SCD: variants seen among roughly 807,000 people sequenced by gnomAD.
The protein encoded by SCD is stearoyl-CoA desaturase, also known as acyl-CoA desaturase.
Under a neutral mutation model 35.7 loss-of-function variants are expected in SCD, and 4 were observed. That is an observed-to-expected ratio of 0.11 (90% CI 0.06 to 0.26). The LOEUF (loss-of-function observed/expected upper bound fraction) is 0.26. SCD is among the 10% of genes least tolerant of loss of function. SCD has a pLI of 1.00. For missense variants in SCD, 282 were observed against 460.7 expected (o/e 0.61, Z 3.55); for synonymous variants, 150 against 170.2 (o/e 0.88, Z 0.92).
Position 100,347,379 on chromosome 10 carries a change from T to C in SCD, c.-126T>C. On this transcript the variant is annotated 5_prime_UTR_variant, in exon 1 of 6. Coordinates refer to ENST00000370355, the MANE Select transcript of SCD (RefSeq NM_005063.5). ...ACCGCGGCTAGCGCCGACAACCAGCTAGCGTGCAAGGCGCCGCGGCTCAGC... is the reference window on the plus strand; with the variant it reads ...ACCGCGGCTAGCGCCGACAACCAGCCAGCGTGCAAGGCGCCGCGGCTCAGC... 1.9e-6 allele frequency: 2 copies of C among 1,065,206 alleles called. No individual in the cohort carries two copies. Among genetic ancestry groups the C allele is most frequent in the Non-Finnish European group, 2.8e-6 (2 of 702,356 alleles). 66.0% of individuals were successfully genotyped at this position (1,065,206 alleles called of 1,614,324 possible). A position where few individuals can be genotyped will look rare whatever the true frequency, so the allele number is the denominator to read the frequency against.
At chr10:100,358,547 C>A (rs1184598336) in intron 5 of SCD, among the ~76,000 whole-genome samples, 31 of 139,970 alleles carry the variant, frequency 2.2e-4, no homozygotes, top group Non-Finnish European at 4.1e-4. Context: ...AGCCGAGATT[C>A]CGCCACTGCA....
At chr10:100,354,138 C>G (rs1223718929) in intron 3 of SCD, among the ~76,000 whole-genome samples, 1 of 152,238 alleles carries the variant, frequency 6.6e-6, no homozygotes, top group Admixed American at 6.5e-5. Context: ...CTTCTTGAAA[C>G]TCTCTGAGCT....
chr10:100,359,255 TCTC>T (rs756615108), intron 5 of SCD, among the ~76,000 whole-genome samples: 56 of 152,220 alleles, frequency 3.7e-4, no homozygotes, highest in Non-Finnish European at 6.3e-4. Flanking sequence ...CACCCTTTGT[TCTC>T]CTCCAGCTCT....
At chr10:100,354,187 T>C (rs1849902061) in intron 3 of SCD, among the ~76,000 whole-genome samples, 1 of 152,258 alleles carries the variant, frequency 6.6e-6, no homozygotes, top group Non-Finnish European at 1.5e-5. Context: ...CATATAACTT[T>C]CAAGAAACAG....
Position 100,347,468 on chromosome 10 carries a change from G to GC in SCD, c.-32dup, listed in dbSNP as rs1849809119. On this transcript the variant is annotated 5_prime_UTR_variant, in exon 1 of 6. Transcript: ENST00000370355. The stretch of plus-strand genomic sequence containing the variant: ...CCCCGAACTCCGCTCCGGAGCCTCA[G>GC]CCCCCTGGAAAGTGATCCCGGCATC... 2.5e-6 allele frequency: 4 copies of GC among 1,612,432 alleles called. No homozygotes were observed. The South Asian group carries it at 4.4e-5, about 18-fold the overall frequency.
Position 100,347,537 on chromosome 10 carries a change from T to A in SCD, c.27+6T>A. ...CCCACTTGCTGCAGGACGATGTGAG[T>A]TTCCCAGCCTGGCCCCGTACCGCCG... is the stretch of plus-strand genomic sequence containing the variant. On this transcript the variant is annotated splice_donor_region_variant and intron_variant, in intron 1 of 5. Coordinates refer to ENST00000370355, the MANE Select transcript of SCD (RefSeq NM_005063.5). 6.2e-7 allele frequency: 1 copy of A among 1,613,862 alleles called. No homozygotes were observed. The highest frequency in any genetic ancestry group is 8.5e-7 in the Non-Finnish European group (1 of 1,179,948).
rs1006901835 is a variant in SCD, at chr10:100,363,591, T to C, written c.*2658T>C. On this transcript the variant is annotated 3_prime_UTR_variant, in exon 6 of 6. Transcript: ENST00000370355. ...TGCCTGCTTGATAATATATAAACAA[T>C]AAAAACAACTTTCACTTCTTCCTAT... The C allele has an allele frequency of 6.6e-6, 1 of 152,164 alleles. No homozygotes were observed. The highest frequency in any genetic ancestry group is 1.5e-5 in the Non-Finnish European group (1 of 68,042). 9.4% of individuals were successfully genotyped at this position (152,164 alleles called of 1,614,324 possible). A position where few individuals can be genotyped will look rare whatever the true frequency, so the allele number is the denominator to read the frequency against.
rs1246373534 is a variant in SCD, at chr10:100,363,842, G to A, written c.*2909G>A. The A allele has an allele frequency of 6.6e-6, 1 of 152,580 alleles. No homozygotes were observed. Among genetic ancestry groups the A allele is most frequent in the African/African-American group, 2.4e-5 (1 of 41,408 alleles). 9.5% of individuals were successfully genotyped at this position (152,580 alleles called of 1,614,324 possible). A position where few individuals can be genotyped will look rare whatever the true frequency, so the allele number is the denominator to read the frequency against. On this transcript the variant is annotated 3_prime_UTR_variant, in exon 6 of 6. Coordinates refer to ENST00000370355, the MANE Select transcript of SCD (RefSeq NM_005063.5). ...GGATTTCTAACAGTCCTTGCTTTGG[G>A]GGGTGTGCTGACAACTTAGCTCAGG...
intron 2 of SCD, among the ~76,000 whole-genome samples, chr10:100,350,027 A>G (rs1849854363): frequency 6.6e-6 from 1 of 152,062 alleles, no homozygotes; most frequent in African/African-American, 2.4e-5. Context: ...CTCAGTTGCT[A>G]CTGCAAGGAG....
chr10:100,364,004 AT>A lies in SCD; in HGVS notation c.*3074del, dbSNP rs1308257897. Reference sequence around the variant, plus strand: ...TGAGTGGAGGATTATCAGTATCACGATTTGCAGGATTCCCTTCTGGGCTTCA... The same window carrying A: ...TGAGTGGAGGATTATCAGTATCACGATTGCAGGATTCCCTTCTGGGCTTCA... On this transcript the variant is annotated 3_prime_UTR_variant, in exon 6 of 6. Transcript: ENST00000370355. 29 of 152,182 alleles carry A rather than the reference AT, an allele frequency of 1.9e-4. No individual in the cohort carries two copies. Among genetic ancestry groups the A allele is most frequent in the Non-Finnish European group, 3.2e-4 (22 of 67,968 alleles). 9.4% of individuals were successfully genotyped at this position (152,182 alleles called of 1,614,324 possible).
chr10:100,352,610 T>A lies in SCD; in HGVS notation c.441+114T>A. 9.8e-7 allele frequency: 1 copy of A among 1,016,900 alleles called. No individual in the cohort carries two copies. Among genetic ancestry groups the A allele is most frequent in the Non-Finnish European group, 1.5e-6 (1 of 670,614 alleles). The allele number at this position is 1,016,900 out of a possible 1,614,324, so 63.0% of individuals were successfully genotyped here. Reference sequence around the variant, plus strand: ...ACACCTGACAGCCATTTCACTTTCCTCTCTCCTGTAGTCACCTCAAGTTCC... The same window carrying A: ...ACACCTGACAGCCATTTCACTTTCCACTCTCCTGTAGTCACCTCAAGTTCC... On this transcript the variant is annotated intron_variant, in intron 3 of 5. Coordinates refer to ENST00000370355, the MANE Select transcript of SCD (RefSeq NM_005063.5). The surrounding 1 kb of genome is among the most constrained non-coding windows in gnomAD (Gnocchi z 4.2).
intron 5 of SCD, among the ~76,000 whole-genome samples, chr10:100,358,466 C>G (rs2133596547): frequency 6.6e-6 from 1 of 151,750 alleles, no homozygotes; most frequent in South Asian, 2.1e-4. Context: ...GTGGCGGGCG[C>G]CTGTAGTCCC....
rs1564624701 is a variant in SCD at position 100,348,343 on chromosome 10, T to C, written c.307T>C (p.Trp103Arg). 1 of 1,613,244 alleles carries C rather than the reference T, an allele frequency of 6.2e-7. No individual in the cohort carries two copies. The highest frequency in any genetic ancestry group is 1.3e-5 in the African/African-American group (1 of 74,866). The change falls in exon 2 of 6, where the codon TGG becomes CGG. Residue 103 changes from tryptophan (W) to arginine (R), a missense_variant. Trp to Arg is a moderately radical substitution (Grantham distance 101). Coordinates refer to ENST00000370355, the MANE Select transcript of SCD (RefSeq NM_005063.5). Reference protein sequence around the residue: ...IPTCKFYTWLWGVFYYFVSAL... With the variant: ...IPTCKFYTWLRGVFYYFVSAL... ...TACCTGCAAGTTCTACACCTGGCTT[T>C]GGGGTAAGCAGCCTCCCTGTCCTCC...
In SCD at chr10:100,348,051, C is replaced by T. The variant is rs1338037076; in HGVS notation, c.28-13C>T. Reference sequence around the variant, plus strand: ...GTCTCTTCTCCTGACTCTCCTCTTCCTCCCCCTTCCAGATCTCTAGCTCCT... The same window carrying T: ...GTCTCTTCTCCTGACTCTCCTCTTCTTCCCCCTTCCAGATCTCTAGCTCCT... On this transcript the variant is annotated splice_polypyrimidine_tract_variant and intron_variant, in intron 1 of 5. Transcript: ENST00000370355. 3.1e-6 allele frequency: 5 copies of T among 1,611,110 alleles called. No individual in the cohort carries two copies. The highest frequency in any genetic ancestry group is 1.7e-4 in the Middle Eastern group (1 of 6,054).
At chr10:100,355,708 A>G (rs1157582010) in intron 4 of SCD, among the ~76,000 whole-genome samples, 1 of 152,196 alleles carries the variant, frequency 6.6e-6, no homozygotes, top group Non-Finnish European at 1.5e-5. Flanking sequence ...AGTTGGGTGC[A>G]GGGAATGTCA....
rs1849805991 is a variant in SCD, at chr10:100,347,340, G to C, written c.-165G>C. On this transcript the variant is annotated 5_prime_UTR_variant, in exon 1 of 6. Coordinates refer to ENST00000370355, the MANE Select transcript of SCD (RefSeq NM_005063.5). ...GCTCTAGCCTTTAAATTCCCGGCTC[G>C]GGGACCTCCACGCACCGCGGCTAGC... is the stretch of plus-strand genomic sequence containing the variant. 5.3e-6 allele frequency: 4 copies of C among 748,180 alleles called. No homozygotes were observed. The highest frequency in any genetic ancestry group is 9.4e-6 in the Non-Finnish European group (4 of 425,096). The allele number at this position is 748,180 out of a possible 1,614,324, so 46.3% of individuals were successfully genotyped here.
At position 100,363,002 on chromosome 10, in the gene SCD, G is replaced by A. The variant is rs1850004839; in HGVS notation, c.*2069G>A. The A allele has an allele frequency of 6.6e-6, 1 of 152,276 alleles. No homozygotes were observed. Among genetic ancestry groups the A allele is most frequent in the Admixed American group, 6.5e-5 (1 of 15,290 alleles). 9.4% of individuals were successfully genotyped at this position (152,276 alleles called of 1,614,324 possible). A position where few individuals can be genotyped will look rare whatever the true frequency, so the allele number is the denominator to read the frequency against. On this transcript the variant is annotated 3_prime_UTR_variant, in exon 6 of 6. Coordinates refer to ENST00000370355, the MANE Select transcript of SCD (RefSeq NM_005063.5). The stretch of plus-strand genomic sequence containing the variant: ...CTCAGCTGGCAGTGCAATGCTTGTA[G>A]AAGTAGGAGGAAACAGTTCTCACTG...
rs1381859930 is a variant in SCD at position 100,363,769 on chromosome 10, C to CA, written c.*2838dup. 1 of 152,568 alleles carries CA rather than the reference C, an allele frequency of 6.6e-6. No homozygotes were observed. Among genetic ancestry groups the CA allele is most frequent in the Admixed American group, 6.6e-5 (1 of 15,256 alleles). 9.5% of individuals were successfully genotyped at this position (152,568 alleles called of 1,614,324 possible). ...ACACGATTTTCAAGATTCTAAAGCT[C>CA]AATTCAAGTGACACATTAATGATAA... On this transcript the variant is annotated 3_prime_UTR_variant, in exon 6 of 6. Transcript: ENST00000370355.
chr10:100,350,534 T>C (rs1849859856), intron 2 of SCD, among the ~76,000 whole-genome samples: 1 of 152,066 alleles, frequency 6.6e-6, no homozygotes, highest in South Asian at 2.1e-4. Context: ...AGATGTTGCT[T>C]AACCATCAAT....
Sources: gnomAD v4.1 joint callset for allele counts (sites outside exome capture counted in the v4.1 genomes callset) on GRCh38, gnomAD v4.1.1 for gene constraint, Gnocchi (gnomAD v3.1) non-coding constraint, MANE v1.5 for transcripts, NCBI Gene and HGNC (gene_info 2026-07-23, HGNC 2026-07-21) for gene names.